The following ATP6V1A variants were observed in gnomAD, a reference collection of about 807,000 sequenced individuals.
ATP6V1A encodes V-type proton ATPase catalytic subunit A.
In ATP6V1A, 18 loss-of-function variants were observed where a neutral mutation model predicts 70.1. The ratio of observed to expected loss-of-function variants is 0.26; its 90% CI spans 0.18 to 0.38. The LOEUF (loss-of-function observed/expected upper bound fraction) is 0.38. ATP6V1A is among the 10% of genes least tolerant of loss of function. ATP6V1A has a pLI of 1.00. For missense variants in ATP6V1A, 424 were observed against 772.4 expected, an observed-to-expected ratio of 0.55 and a Z score of 5.35; for synonymous variants, 232 against 253.8, an observed-to-expected ratio of 0.91 and a Z score of 0.82.
chr3:113,792,606 G>A (rs1709108299), intron 8 of ATP6V1A, among the ~76,000 whole-genome samples: 1 of 152,162 alleles, frequency 6.6e-6, no homozygotes, highest in Admixed American at 6.5e-5. Context: ...AAAGTCCTGG[G>A]ATTATAGGCA....
intron 1 of ATP6V1A, among the ~76,000 whole-genome samples, chr3:113,764,883 G>C (rs1708751130): frequency 6.6e-6 from 1 of 151,748 alleles, no homozygotes; most frequent in African/African-American, 2.4e-5. Context: ...GAGGTGGGGG[G>C]ATCACTTGAG....
chr3:113,804,333 A>G (rs1709251888), intron 13 of ATP6V1A, among the ~76,000 whole-genome samples: 1 of 152,030 alleles, frequency 6.6e-6, no homozygotes, highest in Non-Finnish European at 1.5e-5. Context: ...CTTTTCCTAA[A>G]TAATTAATAG....
intron 8 of ATP6V1A, 101 bp from the exon 9 acceptor site, chr3:113,794,771 A>C: frequency 7.3e-7 from 1 of 1,360,636 alleles, no homozygotes; most frequent in Non-Finnish European, 9.9e-7. Flanking sequence ...CTAGCAGTCT[A>C]CGTTGTGTAC....
intron 1 of ATP6V1A, among the ~76,000 whole-genome samples, chr3:113,755,039 T>C (rs1325202763): frequency 1.3e-5 from 2 of 152,164 alleles, no homozygotes; most frequent in South Asian, 2.1e-4. Context: ...TAATGTAAGC[T>C]GTCCAAAGTT....
chr3:113,770,842 C>T (rs1017477800), intron 1 of ATP6V1A, among the ~76,000 whole-genome samples: 5 of 151,934 alleles, frequency 3.3e-5, no homozygotes, highest in Admixed American at 6.6e-5. Context: ...TGCCTGTTAT[C>T]CCAGTACTTT....
chr3:113,768,485 G>T (rs984964621), intron 1 of ATP6V1A, among the ~76,000 whole-genome samples: 1 of 152,014 alleles, frequency 6.6e-6, no homozygotes, highest in Admixed American at 6.6e-5. Flanking sequence ...AGCAAGGTGG[G>T]CTGCCTGCTT....
chr3:113,775,857 C>A (rs572757410), intron 1 of ATP6V1A, among the ~76,000 whole-genome samples: 4 of 152,318 alleles, frequency 2.6e-5, no homozygotes, highest in African/African-American at 4.8e-5. Flanking sequence ...AATTTCACCT[C>A]ATTCACTTGT....
chr3:113,781,208 T>G (rs767847521), intron 3 of ATP6V1A, 30 bp downstream of exon 3: 3 of 1,582,680 alleles, frequency 1.9e-6, no homozygotes, highest in Non-Finnish European at 2.6e-6. Context: ...TTCCTGCCAC[T>G]TTCTATATTT....
rs1709264952 is a variant in ATP6V1A, at chr3:113,805,446, G to A, written c.1682G>A (p.Ser561Asn). The A allele has an allele frequency of 1.9e-6, 3 of 1,613,926 alleles. No individual in the cohort carries two copies. The highest frequency in any genetic ancestry group is 2.5e-6 in the Non-Finnish European group (3 of 1,179,794). Residue 561 changes from serine to asparagine, a missense_variant, in exon 14 of 15, where the codon AGT (serine) becomes AAT (asparagine). Coordinates refer to ENST00000273398, the MANE Select transcript of ATP6V1A (RefSeq NM_001690.4). Reference sequence around the variant, plus strand: ...AGAGCTGTTGAAACCACTGCCCAGAGTGACAATAAAATCACATGGTCCATT... The same window carrying A: ...AGAGCTGTTGAAACCACTGCCCAGAATGACAATAAAATCACATGGTCCATT... The part of the protein sequence containing the change: ...ARRAVETTAQ[S>N]DNKITWSIIR...
chr3:113,758,004 C>T (rs1451324691), intron 1 of ATP6V1A, among the ~76,000 whole-genome samples: 3 of 151,978 alleles, frequency 2.0e-5, no homozygotes, highest in African/African-American at 4.8e-5. Flanking sequence ...ATTAGCTGGG[C>T]GTGGTGGTGT....
At chr3:113,795,624 A>G (rs1027207202) in intron 10 of ATP6V1A, among the ~76,000 whole-genome samples, 3 of 151,972 alleles carry the variant, frequency 2.0e-5, no homozygotes, top group African/African-American at 7.2e-5. Flanking sequence ...ATAATAAAAT[A>G]TCTATCTCAT....
At chr3:113,766,752 C>A (rs968827796) in intron 1 of ATP6V1A, among the ~76,000 whole-genome samples, 3 of 152,170 alleles carry the variant, frequency 2.0e-5, no homozygotes, top group Non-Finnish European at 4.4e-5. Context: ...TGACACATGG[C>A]TTTCTTTTCT....
intron 5 of ATP6V1A, 135 bp downstream of exon 5, chr3:113,784,968 G>T: frequency 1.1e-6 from 1 of 938,322 alleles, no homozygotes; most frequent in South Asian, 2.4e-5. Context: ...ATTTTTGAAA[G>T]TTTTTGTTTG....
chr3:113,749,586 A>T (rs1708562581), intron 1 of ATP6V1A, among the ~76,000 whole-genome samples: 1 of 152,046 alleles, frequency 6.6e-6, no homozygotes, highest in Non-Finnish European at 1.5e-5. Context: ...CATCATCATC[A>T]TCTTTTCTAT....
intron 13 of ATP6V1A, among the ~76,000 whole-genome samples, 190 bp from the exon 14 acceptor site, chr3:113,805,164 C>G (rs749921269): frequency 6.6e-6 from 1 of 152,206 alleles, no homozygotes; most frequent in Admixed American, 6.5e-5. Flanking sequence ...TGAGACATCT[C>G]TGTCCAAAAA....
intron 3 of ATP6V1A, among the ~76,000 whole-genome samples, chr3:113,782,854 C>A (rs768260890): frequency 6.6e-6 from 1 of 151,790 alleles, no homozygotes; most frequent in African/African-American, 2.4e-5. Flanking sequence ...GAACTCCTGA[C>A]CTCACGATCC....
intron 1 of ATP6V1A, among the ~76,000 whole-genome samples, chr3:113,766,692 A>G (rs1384328397): frequency 6.6e-6 from 1 of 152,144 alleles, no homozygotes. Context: ...ATACCATCAC[A>G]TTGAGGGTTG....
intron 8 of ATP6V1A, among the ~76,000 whole-genome samples, chr3:113,794,450 A>G (rs1235728556): frequency 6.6e-6 from 1 of 152,202 alleles, no homozygotes; most frequent in Non-Finnish European, 1.5e-5. Flanking sequence ...GCTCAATATA[A>G]TAGATGTTTA....
intron 1 of ATP6V1A, among the ~76,000 whole-genome samples, chr3:113,769,516 T>G (rs28542275): frequency 6.6e-6 from 1 of 152,218 alleles, no homozygotes; most frequent in Non-Finnish European, 1.5e-5. Context: ...AATATTACCT[T>G]GGAATCTTAG....
Sources: gnomAD v4.1 joint callset for allele counts (sites outside exome capture counted in the v4.1 genomes callset) on GRCh38, gnomAD v4.1.1 for gene constraint, MANE v1.5 for transcripts, NCBI Gene and HGNC (gene_info 2026-07-23, HGNC 2026-07-21) for gene names.